Variants in KCNQ5 observed in about 807,000 individuals in gnomAD.
KCNQ5 encodes potassium voltage-gated channel subfamily KQT member 5.
In KCNQ5, 30 loss-of-function variants were observed where a neutral mutation model predicts 98.2. The observed-to-expected ratio is 0.31, with a 90% CI of 0.23 to 0.41. The LOEUF (loss-of-function observed/expected upper bound fraction) is 0.41. Among genes scored for constraint, KCNQ5 ranks in the 10% least tolerant of loss-of-function variants. KCNQ5 has a pLI of 1.00. For synonymous variants in KCNQ5, 458 were observed against 449.4 expected (o/e 1.02, Z -0.24); for missense variants, 835 against 1,182.5 (o/e 0.71, Z 4.31).
intron 2 of KCNQ5, among the ~76,000 whole-genome samples, chr6:73,032,241 C>T (rs1771183427): frequency 6.6e-6 from 1 of 152,142 alleles, no homozygotes; most frequent in African/African-American, 2.4e-5. Flanking sequence ...GATCTCGGCT[C>T]ACTGCAACCT....
chr6:72,708,656 G>T (rs974236167), intron 1 of KCNQ5, among the ~76,000 whole-genome samples: 1 of 152,016 alleles, frequency 6.6e-6, no homozygotes, highest in African/African-American at 2.4e-5. Context: ...TGAGTAGCTG[G>T]GACTATAAGC....
At chr6:72,760,857 G>A (rs78801615) in intron 1 of KCNQ5, among the ~76,000 whole-genome samples, 12 of 152,048 alleles carry the variant, frequency 7.9e-5, no homozygotes, top group Non-Finnish European at 1.8e-4. Context: ...CAAGGAATGC[G>A]TTAGTTAAGA....
intron 6 of KCNQ5, among the ~76,000 whole-genome samples, chr6:73,109,688 G>A (rs188622130): frequency 6.6e-6 from 1 of 152,242 alleles, no homozygotes; most frequent in Admixed American, 6.5e-5. Context: ...CAGAGACCAG[G>A]TTTTTATAAA....
intron 1 of KCNQ5, among the ~76,000 whole-genome samples, chr6:72,906,806 C>T (rs1250832713): frequency 1.3e-5 from 2 of 152,144 alleles, no homozygotes; most frequent in Non-Finnish European, 2.9e-5. Flanking sequence ...TGGGTCCTTT[C>T]GAGTTTCCTG....
At chr6:73,157,651 C>G in intron 10 of KCNQ5, 1 of 775,310 alleles carries the variant, frequency 1.3e-6, no homozygotes, top group East Asian at 2.4e-5. Flanking sequence ...TGGCTGGGGT[C>G]AGCTCTGTGG....
intron 1 of KCNQ5, among the ~76,000 whole-genome samples, chr6:72,690,890 A>G (rs1309900373): frequency 1.3e-5 from 2 of 152,170 alleles, no homozygotes; most frequent in South Asian, 2.1e-4. Context: ...TTTAAGAATT[A>G]TAAAAATAAT....
At chr6:72,645,724 A>AAG (rs1491288879) in intron 1 of KCNQ5, among the ~76,000 whole-genome samples, 15 of 152,086 alleles carry the variant, frequency 9.9e-5, no homozygotes, top group African/African-American at 3.4e-4. Context: ...GTCCAGACTC[A>AAG]AGAGCATTCA....
intron 9 of KCNQ5, among the ~76,000 whole-genome samples, chr6:73,130,093 G>T (rs550055496): frequency 6.6e-6 from 1 of 152,340 alleles, no homozygotes; most frequent in Admixed American, 6.5e-5. Context: ...GCCCTTTGGC[G>T]CCTCCTTGTG....
chr6:72,994,978 A>G (rs1257310856), intron 1 of KCNQ5, among the ~76,000 whole-genome samples: 1 of 152,194 alleles, frequency 6.6e-6, no homozygotes, highest in African/African-American at 2.4e-5. Context: ...TGAGTGCCAA[A>G]AAGGAGTAAA....
chr6:72,851,932 T>A (rs1269981821), intron 1 of KCNQ5, among the ~76,000 whole-genome samples: 1 of 152,132 alleles, frequency 6.6e-6, no homozygotes, highest in East Asian at 1.9e-4. Context: ...CTTATTAATC[T>A]AGATACGTAT....
intron 3 of KCNQ5, among the ~76,000 whole-genome samples, chr6:73,047,746 T>G (rs1772036518): frequency 6.6e-6 from 1 of 152,192 alleles, no homozygotes; most frequent in Non-Finnish European, 1.5e-5. Context: ...TAATCTTAAG[T>G]ATAAAGGATA....
At position 73,129,143 on chromosome 6, in the gene KCNQ5, T is replaced by C. The variant is rs1036293120; in HGVS notation, c.1248-4278T>C. Reference sequence around the variant, plus strand: ...AACTTGTGTCCTTATTGGCAAAATGTTCCATTGTTTCAAAAACAATCTTTC... The same window carrying C: ...AACTTGTGTCCTTATTGGCAAAATGCTCCATTGTTTCAAAAACAATCTTTC... On this transcript the variant is annotated intron_variant, in intron 9 of 13. Coordinates refer to ENST00000370398, the MANE Select transcript of KCNQ5 (RefSeq NM_019842.4). Among the ~76,000 whole-genome samples, 6 of 152,262 alleles carry C rather than the reference T, an allele frequency of 3.9e-5. No individual in the cohort carries two copies. In the South Asian group the frequency reaches 1.0e-3, roughly 26 times the overall value.
chr6:72,943,722 C>T (rs1033873780), intron 1 of KCNQ5, among the ~76,000 whole-genome samples: 1 of 152,180 alleles, frequency 6.6e-6, no homozygotes, highest in Non-Finnish European at 1.5e-5. Flanking sequence ...CTACTAACTG[C>T]GTGATCTTGA....
At chr6:72,951,593 G>A (rs1009982211) in intron 1 of KCNQ5, among the ~76,000 whole-genome samples, 1 of 151,698 alleles carries the variant, frequency 6.6e-6, no homozygotes, top group African/African-American at 2.4e-5. Flanking sequence ...TAACCCCTTA[G>A]CCTTCTATTA....
At chr6:72,624,385 T>C (rs1171000966) in intron 1 of KCNQ5, among the ~76,000 whole-genome samples, 1 of 152,220 alleles carries the variant, frequency 6.6e-6, no homozygotes, top group Non-Finnish European at 1.5e-5. Flanking sequence ...GCTCAAAACA[T>C]TTCTAGCCTT....
At chr6:73,078,342 T>G (rs1009238260) in intron 5 of KCNQ5, among the ~76,000 whole-genome samples, 1 of 152,082 alleles carries the variant, frequency 6.6e-6, no homozygotes, top group Non-Finnish European at 1.5e-5. Flanking sequence ...GGTAACCATC[T>G]GTGAGATCAG....
At chr6:72,824,638 A>G (rs913902334) in intron 1 of KCNQ5, among the ~76,000 whole-genome samples, 1 of 152,122 alleles carries the variant, frequency 6.6e-6, no homozygotes, top group South Asian at 2.1e-4. Flanking sequence ...AAATAACCTC[A>G]GAAGAGTGAA....
At chr6:73,055,795 G>T in intron 3 of KCNQ5, 1 of 856,410 alleles carries the variant, frequency 1.2e-6, no homozygotes, top group Non-Finnish European at 2.0e-6. Flanking sequence ...GTTCCTAGGG[G>T]ATGAAGAGAC....
At position 73,036,400 on chromosome 6, in the gene KCNQ5, A is replaced by G. The variant is rs1336222973; in HGVS notation, c.490-5536A>G. Among the ~76,000 whole-genome samples the G allele has an allele frequency of 2.0e-5, 3 of 151,010 alleles. No homozygotes were observed. In the East Asian group the frequency reaches 5.9e-4, roughly 29 times the overall value. ...GACTCTGTCTCAAAAAAAAAAAAAA[A>G]AAAAAAAAAAAAGATATCGGACAGT... On this transcript the variant is annotated intron_variant, in intron 2 of 13. Transcript: ENST00000370398.
Sources: allele counts gnomAD v4.1 joint callset (sites outside exome capture counted in the v4.1 genomes callset), GRCh38; gene constraint gnomAD v4.1.1; transcripts MANE v1.5; gene names NCBI Gene and HGNC (gene_info 2026-07-23, HGNC 2026-07-21).